Variants in ARHGAP35 observed in about 807,000 individuals in gnomAD.
ARHGAP35 encodes the protein Rho GTPase activating protein 35.
ARHGAP35 carries 15 observed loss-of-function variants against 111.1 expected under a neutral mutation model. That is an observed-to-expected ratio of 0.13 (90% confidence interval 0.09 to 0.21). ARHGAP35 has a LOEUF of 0.21. Among genes scored for constraint, ARHGAP35 ranks in the 10% least tolerant of loss-of-function variants. The pLI is 1.00. For synonymous variants in ARHGAP35, 643 were observed against 710.3 expected, an observed-to-expected ratio of 0.91 and a Z score of 1.51; for missense variants, 1,262 against 1,873.0, an observed-to-expected ratio of 0.67 and a Z score of 6.02.
chr19:46,999,476 A>C lies in ARHGAP35; in HGVS notation c.4142+67A>C, dbSNP rs199933896. On this transcript the variant is annotated intron_variant, in intron 6 of 6. Transcript: ENST00000672722. This position sits in a 1 kb window ranked among gnomAD's most constrained non-coding sequence, Gnocchi z 5.4. ...TTGACAGCCAGGGTCAGTGTGTCGC[A>C]GAACAAGGCTCTGTCCACAAGCCAG... 5.3e-4 allele frequency: 575 copies of C among 1,074,962 alleles called. 1 individual carries two copies. The highest frequency in any genetic ancestry group is 7.3e-4 in the Non-Finnish European group (527 of 723,758). 66.6% of individuals were successfully genotyped at this position (1,074,962 alleles called of 1,614,324 possible).
chr19:46,916,315 A>G (rs2056163380), intron 1 of ARHGAP35, among the ~76,000 whole-genome samples: 1 of 150,770 alleles, frequency 6.6e-6, no homozygotes, highest in Non-Finnish European at 1.5e-5. Flanking sequence ...CCCCACACAC[A>G]CTTTGTTCCA....
chr19:46,938,690 T>C (rs1447992248), intron 3 of ARHGAP35, among the ~76,000 whole-genome samples: 1 of 142,758 alleles, frequency 7.0e-6, no homozygotes, highest in Non-Finnish European at 1.5e-5. Flanking sequence ...ATGGAGTCTC[T>C]CTCTGTTGCC....
intron 3 of ARHGAP35, among the ~76,000 whole-genome samples, chr19:46,985,187 G>C (rs1398664234): frequency 6.6e-6 from 1 of 152,218 alleles, no homozygotes; most frequent in Non-Finnish European, 1.5e-5. Flanking sequence ...ATGTGAAATA[G>C]GTAGAAGTTT....
At chr19:46,990,989 G>A (rs1380763319) in intron 5 of ARHGAP35, among the ~76,000 whole-genome samples, 1 of 152,194 alleles carries the variant, frequency 6.6e-6, no homozygotes, top group African/African-American at 2.4e-5. Context: ...AAGCCCACAG[G>A]GATGGGGCAG....
rs1246906280 is a variant in ARHGAP35 at position 46,921,548 on chromosome 19, C to T, written c.2873C>T (p.Ala958Val). Reference sequence around the variant, plus strand: ...GCTACTCATATGTACGATAATGCTGCCGAGGCCTGTAGCACCACCGAAGAG... The same window carrying T: ...GCTACTCATATGTACGATAATGCTGTCGAGGCCTGTAGCACCACCGAAGAG... ...IEATHMYDNA[A>V]EACSTTEEVF... The change falls in exon 2 of 7, where the codon GCC (alanine) becomes GTC (valine). Residue 958 changes from alanine to valine, a missense_variant. Physicochemically the swap from Ala to Val is moderately conservative, Grantham distance 64. Coordinates refer to ENST00000672722, the MANE Select transcript of ARHGAP35 (RefSeq NM_004491.5). This position sits in a 1 kb window ranked among gnomAD's most constrained non-coding sequence, Gnocchi z 4.3. The T allele has an allele frequency of 1.2e-6, 2 of 1,613,770 alleles. No individual in the cohort carries two copies. Among genetic ancestry groups the T allele is most frequent in the Non-Finnish European group, 1.7e-6 (2 of 1,179,870 alleles).
Position 46,920,990 on chromosome 19 carries a change from C to A in ARHGAP35, c.2315C>A (p.Ala772Asp). 1 of 1,614,012 alleles carries A rather than the reference C, an allele frequency of 6.2e-7. No homozygotes were observed. Among genetic ancestry groups the A allele is most frequent in the Non-Finnish European group, 8.5e-7 (1 of 1,179,902 alleles). The part of the protein sequence containing the change: ...KRNLNLVSST[A>D]SIKDLADVDL... ...AACTTAAACCTGGTCAGTTCTACTG[C>A]TAGCATCAAAGATTTGGCTGATGTT... is the stretch of plus-strand genomic sequence containing the variant. The change falls in exon 2 of 7, where the codon GCT becomes GAT. Residue 772 changes from alanine (A) to aspartate (D), a missense_variant. Around this residue, in one of 8 missense-constraint regions of ARHGAP35, gnomAD observed 579 missense variants for 716.9 expected, o/e 0.81. Coordinates refer to ENST00000672722, the MANE Select transcript of ARHGAP35 (RefSeq NM_004491.5). The surrounding 1 kb of genome is among the most constrained non-coding windows in gnomAD (Gnocchi z 7.0).
At chr19:46,909,900 G>A (rs979509636) in intron 1 of ARHGAP35, among the ~76,000 whole-genome samples, 1 of 152,014 alleles carries the variant, frequency 6.6e-6, no homozygotes, top group Admixed American at 6.6e-5. Flanking sequence ...TCCCACCTGA[G>A]CCCCCTGAGT....
At chr19:46,913,961 T>C (rs952631630) in intron 1 of ARHGAP35, among the ~76,000 whole-genome samples, 1 of 152,218 alleles carries the variant, frequency 6.6e-6, no homozygotes, top group African/African-American at 2.4e-5. Flanking sequence ...CTTTGTGGCC[T>C]TCAGATCATT....
At chr19:46,878,602 A>G (rs1021216756) in intron 1 of ARHGAP35, among the ~76,000 whole-genome samples, 5 of 152,110 alleles carry the variant, frequency 3.3e-5, no homozygotes, top group Non-Finnish European at 5.9e-5. Context: ...TATAGGCCGG[A>G]GCCACTGTGT....
Position 46,879,883 on chromosome 19 carries a change from A to AG in ARHGAP35, c.-189+18677dup, listed in dbSNP as rs543670609. ...GACGGATCACTTGAGGCCAGAAGTT[A>AG]GGGACCAGCCTGGCCAACATGGTAA... On this transcript the variant is annotated intron_variant, in intron 1 of 6. Coordinates refer to ENST00000672722, the MANE Select transcript of ARHGAP35 (RefSeq NM_004491.5). Among the ~76,000 whole-genome samples, 267 of 151,744 alleles carry AG rather than the reference A, an allele frequency of 1.8e-3. 1 individual carries two copies. The Middle Eastern group carries it at 0.021, about 12-fold the overall frequency.
At position 46,943,832 on chromosome 19, in the gene ARHGAP35, G is replaced by A. The variant is rs531770426; in HGVS notation, c.3826+6424G>A. 5.3e-4 allele frequency among the ~76,000 whole-genome samples: 80 copies of A among 152,262 alleles called. 2 individuals carry two copies. The highest frequency in any genetic ancestry group is 5.0e-3 in the Admixed American group (77 of 15,294). On this transcript the variant is annotated intron_variant, in intron 3 of 6. Transcript: ENST00000672722. ...TGAGGATAGGAAAGAAATTTATGCCGCAGGGCCTTTGATGCTGCCCACTCA... is the reference window on the plus strand; with the variant it reads ...TGAGGATAGGAAAGAAATTTATGCCACAGGGCCTTTGATGCTGCCCACTCA...
chr19:46,933,523 G>A (rs1171271996), intron 2 of ARHGAP35, among the ~76,000 whole-genome samples: 1 of 152,064 alleles, frequency 6.6e-6, no homozygotes, highest in East Asian at 1.9e-4. Flanking sequence ...TAGATTATAA[G>A]CCGTGGTGGT....
intron 1 of ARHGAP35, among the ~76,000 whole-genome samples, chr19:46,892,123 T>TAAAAAAAAA (rs1178888092): frequency 9.5e-4 from 51 of 53,872 alleles, no homozygotes; most frequent in East Asian, 1.6e-3. Flanking sequence ...CTGTCTCTAC[T>TAAAAAAAAA]AAAAAAAAAA....
At chr19:46,873,995 G>A (rs756585618) in intron 1 of ARHGAP35, among the ~76,000 whole-genome samples, 1 of 152,048 alleles carries the variant, frequency 6.6e-6, no homozygotes, top group Non-Finnish European at 1.5e-5. Context: ...TGATCTGCCC[G>A]CTTCAGCCTC....
Position 46,999,229 on chromosome 19 carries a change from C to A in ARHGAP35, c.4037-75C>A. The A allele has an allele frequency of 2.1e-6, 2 of 959,060 alleles. No individual in the cohort carries two copies. The highest frequency in any genetic ancestry group is 3.2e-6 in the Non-Finnish European group (2 of 618,982). 59.4% of individuals were successfully genotyped at this position (959,060 alleles called of 1,614,324 possible). ...CCCTGGGCTGTCCTCAGAGAAGGCCCATCACAGAGCACGCCCTGGGGTGGC... is the reference window on the plus strand; with the variant it reads ...CCCTGGGCTGTCCTCAGAGAAGGCCAATCACAGAGCACGCCCTGGGGTGGC... On this transcript the variant is annotated intron_variant, in intron 5 of 6. Coordinates refer to ENST00000672722, the MANE Select transcript of ARHGAP35 (RefSeq NM_004491.5). The surrounding 1 kb of genome is among the most constrained non-coding windows in gnomAD (Gnocchi z 5.4).
At position 46,869,478 on chromosome 19, in the gene ARHGAP35, G is replaced by GTT. The variant is rs778627659; in HGVS notation, c.-189+8270_-189+8271insTT. 5.2e-3 allele frequency among the ~76,000 whole-genome samples: 645 copies of GTT among 123,576 alleles called. 7 individuals are homozygous for GTT. Among genetic ancestry groups the GTT allele is most frequent in the African/African-American group, 0.023 (635 of 27,084 alleles). The allele number at this position is 123,576 out of a possible 152,430, so 81.1% of individuals were successfully genotyped here. ...AGACCTTGTCTCAAGAAAAAAAATT[G>GTT]TGTGTGTGTGTGTGTGTGTGTGTGT... On this transcript the variant is annotated intron_variant, in intron 1 of 6. Coordinates refer to ENST00000672722, the MANE Select transcript of ARHGAP35 (RefSeq NM_004491.5).
intron 1 of ARHGAP35, among the ~76,000 whole-genome samples, chr19:46,897,396 A>G (rs1482960341): frequency 6.6e-6 from 1 of 151,516 alleles, no homozygotes; most frequent in African/African-American, 2.4e-5. Flanking sequence ...GAAGGGCCAT[A>G]AGTATAGTTT....
At position 47,001,288 on chromosome 19, in the gene ARHGAP35, CCA is replaced by C. The variant is rs2056747145; in HGVS notation, c.*601_*602del. On this transcript the variant is annotated 3_prime_UTR_variant, in exon 7 of 7. Transcript: ENST00000672722. The surrounding 1 kb of genome is among the most constrained non-coding windows in gnomAD (Gnocchi z 5.4). ...ACGGAGGATAGCTTTGTGCCTGGAC[CCA>C]GAGAGTGTGGGACTCCCCGCTTCAT... 7.8e-7 allele frequency: 1 copy of C among 1,290,220 alleles called. No individual in the cohort carries two copies. Among genetic ancestry groups the C allele is most frequent in the South Asian group, 1.2e-5 (1 of 81,002 alleles). 79.9% of individuals were successfully genotyped at this position (1,290,220 alleles called of 1,614,324 possible).
Position 46,918,510 on chromosome 19 carries a change from G to C in ARHGAP35, c.-166G>C, listed in dbSNP as rs889025373. Among the ~76,000 whole-genome samples the C allele has an allele frequency of 1.3e-5, 2 of 151,966 alleles. No homozygotes were observed. Among genetic ancestry groups the C allele is most frequent in the Non-Finnish European group, 2.9e-5 (2 of 68,012 alleles). ...TAGGAAGAAATGTTGGCTATTTGGC[G>C]ATGAGAGGTGGTGAACAGTGACCAT... On this transcript the variant is annotated 5_prime_UTR_variant, in exon 2 of 7. Coordinates refer to ENST00000672722, the MANE Select transcript of ARHGAP35 (RefSeq NM_004491.5). This position sits in a 1 kb window ranked among gnomAD's most constrained non-coding sequence, Gnocchi z 5.4.
Sources: gnomAD v4.1 joint callset for allele counts (sites outside exome capture counted in the v4.1 genomes callset) on GRCh38, gnomAD v4.1.1 for gene constraint, gnomAD v4.1.1 regional missense constraint, Gnocchi (gnomAD v3.1) non-coding constraint, MANE v1.5 for transcripts, NCBI Gene and HGNC (gene_info 2026-07-23, HGNC 2026-07-21) for gene names.